Variants in DIP2B observed in about 807,000 individuals in gnomAD.
DIP2B encodes disco-interacting protein 2 homolog B.
A neutral mutation model predicts 198.0 loss-of-function variants in DIP2B; 76 were observed. That is an observed-to-expected ratio of 0.38 (90% CI 0.32 to 0.46). The LOEUF is 0.46. DIP2B is among the 20% of genes least tolerant of loss of function. DIP2B has a pLI of 0.99. For missense variants in DIP2B, 1,559 were observed against 1,978.4 expected (o/e 0.79, Z 4.02); for synonymous variants, 701 against 739.1 (o/e 0.95, Z 0.84).
At chr12:50,693,042 T>C (rs1592130647) in intron 14 of DIP2B, 29 bp downstream of exon 14, 1 of 1,594,358 alleles carries the variant, frequency 6.3e-7, no homozygotes, top group Non-Finnish European at 8.5e-7. Context: ...AGGCCCTTAG[T>C]GTAAATTGTG....
At chr12:50,692,098 A>AATTTTTTTT (rs2139549222) in intron 13 of DIP2B, among the ~76,000 whole-genome samples, 1 of 152,170 alleles carries the variant, frequency 6.6e-6, no homozygotes, top group South Asian at 2.1e-4. Context: ...ACATTCATAT[A>AATTTTTTTT]ATGGCTGGGA....
chr12:50,701,392 G>GT (rs1212040881), intron 19 of DIP2B, among the ~76,000 whole-genome samples: 2 of 152,142 alleles, frequency 1.3e-5, no homozygotes, highest in African/African-American at 4.8e-5. Context: ...TGTTGTTGTT[G>GT]TTGTTTTTTA....
At chr12:50,514,032 A>G (rs1958041942) in intron 1 of DIP2B, among the ~76,000 whole-genome samples, 1 of 148,732 alleles carries the variant, frequency 6.7e-6, no homozygotes, top group African/African-American at 2.5e-5. Context: ...ATTTAAAACC[A>G]TTGCTAAATC....
intron 3 of DIP2B, chr12:50,655,019 CTT>C (rs1256500180): frequency 2.2e-6 from 1 of 451,620 alleles, no homozygotes; most frequent in Non-Finnish European, 4.4e-6. Flanking sequence ...AGAATTCTCT[CTT>C]GTCAGAATTT....
At chr12:50,631,699 C>T (rs1437565039) in intron 2 of DIP2B, among the ~76,000 whole-genome samples, 1 of 152,174 alleles carries the variant, frequency 6.6e-6, no homozygotes, top group Non-Finnish European at 1.5e-5. Flanking sequence ...TCCCAAAGTC[C>T]TTGGATTGCA....
Position 50,534,548 on chromosome 12 carries a change from C to T in DIP2B, c.100+29308C>T, listed in dbSNP as rs540239275. Reference sequence around the variant, plus strand: ...CCACCACGCCCGGCTAATTTTTGTACAGATGGGGTTTCGCCATGTTGGTCA... The same window carrying T: ...CCACCACGCCCGGCTAATTTTTGTATAGATGGGGTTTCGCCATGTTGGTCA... On this transcript the variant is annotated intron_variant, in intron 1 of 37. Coordinates refer to ENST00000301180, the MANE Select transcript of DIP2B (RefSeq NM_173602.3). 5.3e-5 allele frequency among the ~76,000 whole-genome samples: 8 copies of T among 151,622 alleles called. No homozygotes were observed. In the South Asian group the frequency reaches 1.7e-3, roughly 32 times the overall value.
intron 2 of DIP2B, among the ~76,000 whole-genome samples, chr12:50,628,562 G>A (rs540349254): frequency 1.5e-3 from 230 of 152,028 alleles, no homozygotes; most frequent in Non-Finnish European, 1.7e-3. Flanking sequence ...CATCTCTATC[G>A]TACAGTCATT....
At chr12:50,737,923 C>T (rs1037739076) in intron 35 of DIP2B, among the ~76,000 whole-genome samples, 1 of 152,152 alleles carries the variant, frequency 6.6e-6, no homozygotes, top group Non-Finnish European at 1.5e-5. Flanking sequence ...TATTTCATTA[C>T]GTAGCTGAAT....
intron 1 of DIP2B, among the ~76,000 whole-genome samples, chr12:50,612,206 G>A (rs371768879): frequency 1.3e-5 from 2 of 152,090 alleles, no homozygotes; most frequent in African/African-American, 2.4e-5. Context: ...GTGATTGCAC[G>A]ACTGCACTCC....
In DIP2B at chr12:50,592,171, G is replaced by A. The variant is rs898203948; in HGVS notation, c.101-33805G>A. Among the ~76,000 whole-genome samples, 4 of 151,822 alleles carry A rather than the reference G, an allele frequency of 2.6e-5. No individual in the cohort carries two copies. The East Asian group carries it at 5.8e-4, about 22-fold the overall frequency. On this transcript the variant is annotated intron_variant, in intron 1 of 37. Coordinates refer to ENST00000301180, the MANE Select transcript of DIP2B (RefSeq NM_173602.3). ...TGGGATGACAGGCGTGAGCCACTGC[G>A]CCCAGCCGATCTTTATTTTTATTTT...
chr12:50,609,263 G>A (rs182362410), intron 1 of DIP2B, among the ~76,000 whole-genome samples: 24 of 152,364 alleles, frequency 1.6e-4, no homozygotes, highest in Non-Finnish European at 3.2e-4. Flanking sequence ...TTCTGGTGGA[G>A]ACACCAAGTA....
At position 50,549,265 on chromosome 12, in the gene DIP2B, A is replaced by G. The variant is rs147260698; in HGVS notation, c.100+44025A>G. ...GGGTGGATCACAAGGTCAAGAGATC[A>G]AGACCATCCTGGCCAATATGGTGAA... On this transcript the variant is annotated intron_variant, in intron 1 of 37. Transcript: ENST00000301180. 7.1e-3 allele frequency among the ~76,000 whole-genome samples: 1,079 copies of G among 152,078 alleles called. 16 individuals carry two copies. Among genetic ancestry groups the G allele is most frequent in the African/African-American group, 0.025 (1,039 of 41,504 alleles).
intron 3 of DIP2B, 44 bp downstream of exon 3, chr12:50,640,896 C>A: frequency 6.3e-7 from 1 of 1,597,690 alleles, no homozygotes. Flanking sequence ...GTTTTCCTAA[C>A]AGTAGTATGA....
chr12:50,663,059 A>C (rs1938680431), intron 4 of DIP2B, among the ~76,000 whole-genome samples: 1 of 152,164 alleles, frequency 6.6e-6, no homozygotes, highest in Non-Finnish European at 1.5e-5. Flanking sequence ...CAGTGAGCCG[A>C]GATCGCGCCA....
chr12:50,608,301 GA>G (rs1959001583), intron 1 of DIP2B, among the ~76,000 whole-genome samples: 1 of 152,122 alleles, frequency 6.6e-6, no homozygotes, highest in Non-Finnish European at 1.5e-5. Flanking sequence ...TGATTATGCT[GA>G]AAACTTACGT....
intron 28 of DIP2B, among the ~76,000 whole-genome samples, chr12:50,725,622 T>C (rs4768908): frequency 0.96 from 145,725 of 152,256 alleles, 70,076 homozygotes; most frequent in East Asian, 1. Flanking sequence ...ACACAAAGCT[T>C]CTAGCATGTA....
At chr12:50,731,334 A>T (rs1329139555) in intron 30 of DIP2B, 35 bp from the exon 31 acceptor site, 6 of 1,601,810 alleles carry the variant, frequency 3.7e-6, no homozygotes, top group Non-Finnish European at 4.3e-6. Context: ...TCCAGGATGA[A>T]TTGATGATTC....
intron 1 of DIP2B, among the ~76,000 whole-genome samples, chr12:50,573,567 C>T (rs1343309250): frequency 3.3e-5 from 5 of 152,172 alleles, no homozygotes; most frequent in Non-Finnish European, 2.9e-5. Context: ...TGGACAGTGT[C>T]TGGAATGATT....
chr12:50,599,700 T>A (rs909837227), intron 1 of DIP2B, among the ~76,000 whole-genome samples: 6 of 152,244 alleles, frequency 3.9e-5, no homozygotes, highest in African/African-American at 1.4e-4. Flanking sequence ...TCATTATTTC[T>A]TCATTTTAAC....
Sources: gnomAD v4.1 joint callset for allele counts (sites outside exome capture counted in the v4.1 genomes callset) on GRCh38, gnomAD v4.1.1 for gene constraint, MANE v1.5 for transcripts, NCBI Gene and HGNC (gene_info 2026-07-23, HGNC 2026-07-21) for gene names.